The following LSMEM2 variants were observed in gnomAD, a reference collection of about 807,000 sequenced individuals.
The protein encoded by LSMEM2 is leucine rich single-pass membrane protein 2.
In LSMEM2, 20 loss-of-function variants were observed where a neutral mutation model predicts 17.3. That is an observed-to-expected ratio of 1.16 (90% CI 0.81 to 1.68). LSMEM2 has a LOEUF of 1.68. Ranked by LOEUF, LSMEM2 falls within the 40% of genes most tolerant of loss-of-function variation. The pLI, the probability that LSMEM2 is intolerant of heterozygous loss-of-function variation, is 0.00. For synonymous variants in LSMEM2, 94 were observed against 97.8 expected (o/e 0.96, Z 0.23); for missense variants, 207 against 214.3 (o/e 0.97, Z 0.21).
intron 1 of LSMEM2, among the ~76,000 whole-genome samples, chr3:50,285,192 T>G (rs782017801): frequency 3.5e-4 from 51 of 147,760 alleles, no homozygotes; most frequent in Admixed American, 1.7e-3. Context: ...AGTAGCTGGG[T>G]GTGGTGGAAG....
At chr3:50,286,428 G>A (rs782073390) in intron 1 of LSMEM2, 43 bp from the exon 2 acceptor site, 3 of 1,546,260 alleles carry the variant, frequency 1.9e-6, no homozygotes, top group Admixed American at 3.9e-5. Flanking sequence ...AAGGAAGGGG[G>A]TTGACCCACC....
In LSMEM2 at chr3:50,286,922, C is replaced by T. The variant is rs1447885253; in HGVS notation, c.361+60C>T. The T allele has an allele frequency of 3.8e-6, 6 of 1,597,032 alleles. No homozygotes were observed. In the African/African-American group the frequency reaches 8.0e-5, roughly 21 times the overall value. On this transcript the variant is annotated intron_variant, in intron 3 of 3. Transcript: ENST00000316436. The stretch of plus-strand genomic sequence containing the variant: ...GCAAGGCAGTGGGGACTGGGAGGCC[C>T]TTCTGTGCAGCTGGAAGGAGTAACT...
At chr3:50,285,224 C>T (rs1418115925) in intron 1 of LSMEM2, among the ~76,000 whole-genome samples, 9 of 151,434 alleles carry the variant, frequency 5.9e-5, no homozygotes, top group East Asian at 3.9e-4. Flanking sequence ...CCCAGCTACT[C>T]AGGAGGCTGA....
intron 1 of LSMEM2, among the ~76,000 whole-genome samples, chr3:50,280,815 G>T (rs587650953): frequency 6.6e-6 from 1 of 151,534 alleles, no homozygotes; most frequent in African/African-American, 2.4e-5. Context: ...GCATGGTCTC[G>T]ATCTTCTGAC....
At chr3:50,280,434 C>T (rs886728117) in intron 1 of LSMEM2, among the ~76,000 whole-genome samples, 3 of 151,826 alleles carry the variant, frequency 2.0e-5, no homozygotes, top group Non-Finnish European at 4.4e-5. Flanking sequence ...GGATTACAGG[C>T]GTGAGCCACT....
intron 1 of LSMEM2, among the ~76,000 whole-genome samples, chr3:50,280,750 C>T (rs587687922): frequency 2.0e-5 from 3 of 151,738 alleles, no homozygotes; most frequent in Non-Finnish European, 2.9e-5. Context: ...CCCGCCACTA[C>T]GCCTGGCTAA....
chr3:50,286,741 G>T lies in LSMEM2; in HGVS notation c.240G>T (p.Pro80=). The change falls in exon 3 of 4, where the codon CCG becomes CCT. Residue 80 remains proline, a synonymous_variant. Transcript: ENST00000316436. ...RPWDELLGVL[P]PSLCAQAGCS... ...GGGATGAGCTGCTGGGCGTTTTGCC[G>T]CCGTCACTGTGTGCCCAGGCTGGCT... The T allele has an allele frequency of 6.2e-7, 1 of 1,614,222 alleles. No homozygotes were observed.
At position 50,287,620 on chromosome 3, in the gene LSMEM2, G is replaced by C. The variant is rs1701580465; in HGVS notation, c.*418G>C. 2 of 242,144 alleles carry C rather than the reference G, an allele frequency of 8.3e-6. No individual in the cohort carries two copies. Among genetic ancestry groups the C allele is most frequent in the Admixed American group, 5.0e-5 (1 of 20,010 alleles). The allele number at this position is 242,144 out of a possible 1,614,324, so 15.0% of individuals were successfully genotyped here. On this transcript the variant is annotated 3_prime_UTR_variant, in exon 4 of 4. Coordinates refer to ENST00000316436, the MANE Select transcript of LSMEM2 (RefSeq NM_153215.3). ...AGGCTGGGCTCTGAGTAGGGGGAGAGGCACCACCTGGGGAAGACTGCCTTG... is the reference window on the plus strand; with the variant it reads ...AGGCTGGGCTCTGAGTAGGGGGAGACGCACCACCTGGGGAAGACTGCCTTG...
At chr3:50,285,642 A>AAAAC (rs140599924) in intron 1 of LSMEM2, among the ~76,000 whole-genome samples, 8 of 152,232 alleles carry the variant, frequency 5.3e-5, no homozygotes, top group African/African-American at 1.4e-4. Flanking sequence ...TCCATCTCAA[A>AAAAC]AAACAAACAA....
At chr3:50,286,078 T>C (rs1269416028) in intron 1 of LSMEM2, among the ~76,000 whole-genome samples, 1 of 152,120 alleles carries the variant, frequency 6.6e-6, no homozygotes, top group Non-Finnish European at 1.5e-5. Context: ...GTGGCTACAA[T>C]AGGGCTTTCT....
intron 1 of LSMEM2, among the ~76,000 whole-genome samples, chr3:50,281,425 C>T (rs782737451): frequency 2.4e-4 from 34 of 140,362 alleles, no homozygotes; most frequent in African/African-American, 8.1e-4. Context: ...TGCAGTGGCA[C>T]GATCTCTGCT....
intron 1 of LSMEM2, among the ~76,000 whole-genome samples, chr3:50,283,546 G>A (rs1553708018): frequency 1.3e-5 from 2 of 150,076 alleles, no homozygotes; most frequent in African/African-American, 2.5e-5. Context: ...AGAATGGCAC[G>A]AACCTGGGAG....
In LSMEM2 at chr3:50,286,501, G is replaced by A. The variant is rs781955522; in HGVS notation, c.89G>A (p.Arg30Lys). 2 of 1,610,120 alleles carry A rather than the reference G, an allele frequency of 1.2e-6. No individual in the cohort carries two copies. The highest frequency in any genetic ancestry group is 2.2e-5 in the East Asian group (1 of 44,798). Residue 30 changes from arginine (R) to lysine (K), a missense_variant, in exon 2 of 4, where the codon AGG (arginine) becomes AAG (lysine). Physicochemically the swap from Arg to Lys is conservative, Grantham distance 26. Coordinates refer to ENST00000316436, the MANE Select transcript of LSMEM2 (RefSeq NM_153215.3). ...DSVAPMMPSQ[R>K]SRGPLAPNHV... ...GTGGCGCCAATGATGCCCAGCCAGAGGAGCAGGGGGCCATTGGCCCCCAAC... is the reference window on the plus strand; with the variant it reads ...GTGGCGCCAATGATGCCCAGCCAGAAGAGCAGGGGGCCATTGGCCCCCAAC...
chr3:50,283,671 C>T (rs587754062), intron 1 of LSMEM2, among the ~76,000 whole-genome samples: 2 of 147,074 alleles, frequency 1.4e-5, no homozygotes, highest in East Asian at 4.0e-4. Flanking sequence ...TGGTGGTGCA[C>T]ACCTGTAGTG....
At position 50,286,874 on chromosome 3, in the gene LSMEM2, T is replaced by C. The variant is rs199601992; in HGVS notation, c.361+12T>C. 9.3e-6 allele frequency: 15 copies of C among 1,612,802 alleles called. No individual in the cohort carries two copies. The highest frequency in any genetic ancestry group is 1.3e-5 in the African/African-American group (1 of 74,920). On this transcript the variant is annotated intron_variant, in intron 3 of 3. Coordinates refer to ENST00000316436, the MANE Select transcript of LSMEM2 (RefSeq NM_153215.3). ...TGTCTACCTGAGCGGTATGGACGCA[T>C]AGGGTGCTAGTAGGAATGGAAAGCA...
intron 2 of LSMEM2, 31 bp from the exon 3 acceptor site, chr3:50,286,643 C>G: frequency 6.2e-7 from 1 of 1,611,278 alleles, no homozygotes; most frequent in Non-Finnish European, 8.5e-7. Flanking sequence ...GCAGGTGCAC[C>G]CACCACCCTC....
chr3:50,282,746 A>G (rs1372595556), intron 1 of LSMEM2, among the ~76,000 whole-genome samples: 8 of 152,032 alleles, frequency 5.3e-5, no homozygotes, highest in African/African-American at 1.9e-4. Flanking sequence ...TTAGCTGGGC[A>G]TGGTGGCACG....
intron 1 of LSMEM2, among the ~76,000 whole-genome samples, chr3:50,280,889 G>C (rs369074627): frequency 2.0e-5 from 3 of 151,602 alleles, no homozygotes; most frequent in African/African-American, 7.3e-5. Context: ...TACCGCGCCC[G>C]GCCAGCCACC....
chr3:50,279,042 G>T, upstream of LSMEM2: 1 of 1,534,142 alleles, frequency 6.5e-7, no homozygotes, highest in African/African-American at 1.4e-5. Context: ...TTAGGCCAAG[G>T]CTGGGAGGCA....
Sources: allele counts gnomAD v4.1 joint callset (sites outside exome capture counted in the v4.1 genomes callset), GRCh38; gene constraint gnomAD v4.1.1; transcripts MANE v1.5; gene names NCBI Gene and HGNC (gene_info 2026-07-23, HGNC 2026-07-21).